The following NUDCD3 variants were observed in gnomAD, a reference collection of about 807,000 sequenced individuals.
The protein encoded by NUDCD3 is NudC domain containing 3.
A neutral mutation model predicts 39.7 loss-of-function variants in NUDCD3; 13 were observed. The observed-to-expected ratio is 0.33, with a 90% CI of 0.21 to 0.52. NUDCD3 has a LOEUF of 0.52. Among genes scored for constraint, NUDCD3 ranks in the 20% least tolerant of loss-of-function variants. The pLI, the probability that NUDCD3 is intolerant of heterozygous loss-of-function variation, is 0.96. For synonymous variants in NUDCD3, 175 were observed against 172.4 expected (o/e 1.02, Z -0.12); for missense variants, 453 against 458.1 (o/e 0.99, Z 0.10).
At chr7:44,476,231 G>A (rs879906054) in intron 2 of NUDCD3, among the ~76,000 whole-genome samples, 2 of 152,178 alleles carry the variant, frequency 1.3e-5, no homozygotes, top group African/African-American at 2.4e-5. Context: ...CTGAAGCACA[G>A]GCACCTTTCT....
At chr7:44,488,827 G>T (rs55918463) in intron 1 of NUDCD3, among the ~76,000 whole-genome samples, 5 of 152,056 alleles carry the variant, frequency 3.3e-5, no homozygotes, top group Non-Finnish European at 2.9e-5. Flanking sequence ...TGTAAGAGGT[G>T]TTACCAGGTA....
Position 44,386,058 on chromosome 7 carries a change from A to C in NUDCD3, c.1039T>G (p.Phe347Val). Residue 347 changes from phenylalanine to valine, a missense_variant, in exon 6 of 6, where the codon TTC (phenylalanine) becomes GTC (valine). Physicochemically the swap from Phe to Val is conservative, Grantham distance 50. Transcript: ENST00000355451. ...GAGATGTTGAACATGGCAGGGTCGA[A>C]TCGCTGGCCTCGGAAGGGAGAACCT... The part of the protein sequence containing the change: ...AEGSPFRGQR[F>V]DPAMFNISPG... 6.2e-7 allele frequency: 1 copy of C among 1,612,732 alleles called. No individual in the cohort carries two copies.
intron 5 of NUDCD3, among the ~76,000 whole-genome samples, chr7:44,390,826 A>G (rs1469852706): frequency 2.0e-5 from 3 of 152,208 alleles, no homozygotes; most frequent in African/African-American, 7.2e-5. Flanking sequence ...ATGCAGCATA[A>G]CTGGAATGAG....
rs1800151594 is a variant in NUDCD3, at chr7:44,467,827, A to G, written c.509+17141T>C. 6.1e-6 allele frequency: 7 copies of G among 1,151,412 alleles called. No individual in the cohort carries two copies. The Admixed American group carries it at 9.0e-5, about 15-fold the overall frequency. 71.3% of individuals were successfully genotyped at this position (1,151,412 alleles called of 1,614,324 possible). ...AAACTAAGACCTCAGTAAAAAAAAA[A>G]AAAAGAAAAGAAAAGGCTCTCTTCC... On this transcript the variant is annotated intron_variant, in intron 2 of 5. Coordinates refer to ENST00000355451, the MANE Select transcript of NUDCD3 (RefSeq NM_015332.4).
At chr7:44,479,506 A>G (rs1004238297) in intron 2 of NUDCD3, among the ~76,000 whole-genome samples, 3 of 152,228 alleles carry the variant, frequency 2.0e-5, no homozygotes, top group Non-Finnish European at 1.5e-5. Context: ...TATACAAAAT[A>G]TAAATACATT....
At chr7:44,451,012 T>C (rs1406195075) in intron 2 of NUDCD3, among the ~76,000 whole-genome samples, 2 of 152,230 alleles carry the variant, frequency 1.3e-5, no homozygotes, top group Non-Finnish European at 2.9e-5. Flanking sequence ...AAAAAGAGTA[T>C]ATACTCTGAA....
At chr7:44,482,054 T>C (rs1800502621) in intron 2 of NUDCD3, among the ~76,000 whole-genome samples, 1 of 152,232 alleles carries the variant, frequency 6.6e-6, no homozygotes, top group Non-Finnish European at 1.5e-5. Context: ...TATTTTGTTA[T>C]AGCAGCCTAA....
intron 2 of NUDCD3, among the ~76,000 whole-genome samples, chr7:44,434,556 AC>A (rs561801863): frequency 6.7e-6 from 1 of 150,178 alleles, no homozygotes; most frequent in South Asian, 2.1e-4. Flanking sequence ...CAGGGATGTG[AC>A]CCCCCCGCCC....
intron 3 of NUDCD3, among the ~76,000 whole-genome samples, chr7:44,407,735 T>C (rs1297393548): frequency 6.6e-6 from 1 of 151,936 alleles, no homozygotes; most frequent in Non-Finnish European, 1.5e-5. Flanking sequence ...TATATCCATA[T>C]AACCAGAATA....
intron 2 of NUDCD3, among the ~76,000 whole-genome samples, chr7:44,442,864 T>C (rs1024247890): frequency 4.0e-5 from 6 of 151,878 alleles, no homozygotes; most frequent in Non-Finnish European, 7.4e-5. Context: ...CCTGGCTAAA[T>C]TTTTTTTCTT....
At position 44,471,370 on chromosome 7, in the gene NUDCD3, CTTT is replaced by C. The variant is rs1054038082; in HGVS notation, c.509+13595_509+13597del. ...GTATTGTTATTTTTTATGGTTTTGG[CTTT>C]TTTAGTATTTTCAATCCAAGGTTGG... On this transcript the variant is annotated intron_variant, in intron 2 of 5. Coordinates refer to ENST00000355451, the MANE Select transcript of NUDCD3 (RefSeq NM_015332.4). Among the ~76,000 whole-genome samples the C allele has an allele frequency of 3.3e-5, 5 of 152,026 alleles. No homozygotes were observed. The East Asian group carries it at 5.8e-4, about 18-fold the overall frequency.
At chr7:44,489,586 A>G (rs540487222) in intron 1 of NUDCD3, among the ~76,000 whole-genome samples, 16 of 152,304 alleles carry the variant, frequency 1.1e-4, no homozygotes, top group African/African-American at 3.1e-4. Flanking sequence ...GTTTCTTTTA[A>G]TCTCATCAGA....
At chr7:44,454,648 T>G (rs550179900) in intron 2 of NUDCD3, among the ~76,000 whole-genome samples, 1 of 152,076 alleles carries the variant, frequency 6.6e-6, no homozygotes, top group Admixed American at 6.5e-5. Flanking sequence ...TCTTTTAGGC[T>G]GGGCACAGTG....
In NUDCD3 at chr7:44,490,414, G is replaced by A. The variant is rs1016986453; in HGVS notation, c.187C>T (p.Leu63=). ...CGCAGGCCCGCCCGCCTCACCTGCA[G>A]CACCAAGGCCTGCGCGGCCCCGGGC... ...FPPGAAQALV[L]QVFKTFDHMA... The change falls in exon 1 of 6, where the codon CTG becomes TTG. Residue 63 remains leucine, a synonymous_variant. Transcript: ENST00000355451. 2.6e-6 allele frequency: 4 copies of A among 1,559,884 alleles called. No individual in the cohort carries two copies. Among genetic ancestry groups the A allele is most frequent in the Non-Finnish European group, 2.6e-6 (3 of 1,153,892 alleles).
intron 2 of NUDCD3, among the ~76,000 whole-genome samples, chr7:44,440,733 G>A (rs1301286673): frequency 6.6e-6 from 1 of 152,084 alleles, no homozygotes; most frequent in East Asian, 1.9e-4. Context: ...TGTTATCTGA[G>A]CAAATTCCTC....
At chr7:44,484,161 T>C (rs914406196) in intron 2 of NUDCD3, among the ~76,000 whole-genome samples, 9 of 152,028 alleles carry the variant, frequency 5.9e-5, no homozygotes, top group Non-Finnish European at 1.0e-4. Context: ...GAGTGAATTT[T>C]CCAAAAAAAC....
intron 3 of NUDCD3, among the ~76,000 whole-genome samples, chr7:44,423,506 G>A (rs1436034481): frequency 6.6e-6 from 1 of 152,024 alleles, no homozygotes; most frequent in Non-Finnish European, 1.5e-5. Context: ...TAATAGACAA[G>A]CAGAGAGCCA....
chr7:44,476,896 C>T (rs1269478552), intron 2 of NUDCD3, among the ~76,000 whole-genome samples: 3 of 152,126 alleles, frequency 2.0e-5, no homozygotes, highest in Non-Finnish European at 4.4e-5. Context: ...AAAGACTTTG[C>T]TGATGAGAAA....
chr7:44,437,054 T>G (rs1180132215), intron 2 of NUDCD3, among the ~76,000 whole-genome samples: 2 of 150,392 alleles, frequency 1.3e-5, no homozygotes, highest in African/African-American at 4.9e-5. Flanking sequence ...TTATTACCCC[T>G]TTTTCTTTTC....
Sources: allele counts gnomAD v4.1 joint callset (sites outside exome capture counted in the v4.1 genomes callset), GRCh38; gene constraint gnomAD v4.1.1; transcripts MANE v1.5; gene names NCBI Gene and HGNC (gene_info 2026-07-23, HGNC 2026-07-21).